SMURF1: variants seen among roughly 807,000 people sequenced by gnomAD.
SMURF1 encodes SMAD specific E3 ubiquitin protein ligase 1.
Under a neutral mutation model 98.0 loss-of-function variants are expected in SMURF1, and 44 were observed. That is an observed-to-expected ratio of 0.45 (90% CI 0.35 to 0.58). The LOEUF is 0.58. SMURF1 is among the 20% of genes least tolerant of loss of function. SMURF1 has a pLI of 0.00. For synonymous variants in SMURF1, 396 were observed against 374.9 expected (o/e 1.06, Z -0.65); for missense variants, 687 against 938.4 (o/e 0.73, Z 3.50).
At chr7:99,094,575 T>C (rs924294079) in intron 1 of SMURF1, among the ~76,000 whole-genome samples, 3 of 151,550 alleles carry the variant, frequency 2.0e-5, no homozygotes, top group African/African-American at 7.3e-5. Context: ...TGACATCTTA[T>C]AGCATGGAAG....
In SMURF1 at chr7:99,101,922, C is replaced by T. The variant is rs552728952; in HGVS notation, c.56-40085G>A. ...GCACTCCAGCCTGGGCGACAGAGCA[C>T]GACCACGTCTCAAAAAAAAAAAAAA... On this transcript the variant is annotated intron_variant, in intron 1 of 17. Transcript: ENST00000361368. Among the ~76,000 whole-genome samples, 10 of 146,842 alleles carry T rather than the reference C, an allele frequency of 6.8e-5. 1 individual carries two copies. In the South Asian group the frequency reaches 8.5e-4, roughly 12 times the overall value.
Position 99,113,347 on chromosome 7 carries a change from T to G in SMURF1, c.55+30379A>C, listed in dbSNP as rs946445873. Reference sequence around the variant, plus strand: ...ACATCTGACATCGCATCAGAAACCATAGAGCCAAAGGCAATGGAATTATAT... The same window carrying G: ...ACATCTGACATCGCATCAGAAACCAGAGAGCCAAAGGCAATGGAATTATAT... On this transcript the variant is annotated intron_variant, in intron 1 of 17. Coordinates refer to ENST00000361368, the MANE Select transcript of SMURF1 (RefSeq NM_181349.3). Among the ~76,000 whole-genome samples the G allele has an allele frequency of 5.3e-5, 8 of 152,112 alleles. 1 individual carries two copies. The highest frequency in any genetic ancestry group is 5.2e-4 in the Admixed American group (8 of 15,276).
intron 1 of SMURF1, among the ~76,000 whole-genome samples, chr7:99,143,040 G>A (rs1798166533): frequency 6.7e-6 from 1 of 149,534 alleles, no homozygotes; most frequent in Non-Finnish European, 1.5e-5. Context: ...GGACCAGGAA[G>A]AAGTGAGGGC....
At chr7:99,031,599 T>C (rs1794891830) in intron 17 of SMURF1, 1 of 152,246 alleles carries the variant, frequency 6.6e-6, no homozygotes, top group Non-Finnish European at 1.5e-5. Context: ...ACAAAAGCCT[T>C]GTGAGTAGGG....
chr7:99,104,599 T>G (rs1797156154), intron 1 of SMURF1, among the ~76,000 whole-genome samples: 1 of 152,368 alleles, frequency 6.6e-6, no homozygotes, highest in East Asian at 1.9e-4. Flanking sequence ...TACCTGCCAC[T>G]GTCACTTAAT....
At position 99,047,743 on chromosome 7, in the gene SMURF1, G is replaced by A. The variant is rs946328847; in HGVS notation, c.1093C>T (p.Leu365Phe). 1.2e-6 allele frequency: 2 copies of A among 1,614,108 alleles called. No homozygotes were observed. The highest frequency in any genetic ancestry group is 1.3e-5 in the African/African-American group (1 of 74,942). The change falls in exon 10 of 18, where the codon CTT (leucine) becomes TTT (phenylalanine). Residue 365 changes from leucine to phenylalanine, a missense_variant. Leu to Phe is a conservative substitution (Grantham distance 22). Around this residue, in one of 2 missense-constraint regions of SMURF1, gnomAD observed 415 missense variants for 508.4 expected, o/e 0.82. Coordinates refer to ENST00000361368, the MANE Select transcript of SMURF1 (RefSeq NM_181349.3). ...CAATGACCAGCTTGGGGCTGCTGAA[G>A]CGACAGTTCGTGTCTGAGGACTTTC... ...KLKVLRHELSLQQPQAGHCRI... is the reference protein window; with the variant it reads ...KLKVLRHELSFQQPQAGHCRI...
intron 8 of SMURF1, 74 bp downstream of exon 8, chr7:99,051,283 C>T (rs1795747552): frequency 8.6e-7 from 1 of 1,160,792 alleles, no homozygotes; most frequent in Non-Finnish European, 1.3e-6. Context: ...AAGAGCAACA[C>T]ATCTGGAAGG....
intron 1 of SMURF1, among the ~76,000 whole-genome samples, chr7:99,105,771 C>T (rs556489198): frequency 5.9e-5 from 9 of 152,298 alleles, no homozygotes; most frequent in South Asian, 2.1e-4. Flanking sequence ...GGGGCCTAAA[C>T]GGCCAGAGGA....
intron 1 of SMURF1, among the ~76,000 whole-genome samples, chr7:99,111,442 T>A (rs911868979): frequency 7.2e-5 from 11 of 152,248 alleles, no homozygotes; most frequent in Non-Finnish European, 1.2e-4. Context: ...AATTTCAATT[T>A]AAATTAATTT....
At chr7:99,071,804 C>T (rs888942182) in intron 1 of SMURF1, among the ~76,000 whole-genome samples, 5 of 152,170 alleles carry the variant, frequency 3.3e-5, no homozygotes, top group Non-Finnish European at 5.9e-5. Context: ...CCAGACTCAG[C>T]GGCTCATGCC....
intron 11 of SMURF1, among the ~76,000 whole-genome samples, chr7:99,044,697 A>G (rs1324581459): frequency 6.6e-6 from 1 of 152,268 alleles, no homozygotes; most frequent in Non-Finnish European, 1.5e-5. Context: ...AAAGTTACAA[A>G]TGATGGAAGA....
chr7:99,051,519 C>G (rs1297902784), intron 7 of SMURF1, 78 bp from the exon 8 acceptor site: 1 of 1,093,934 alleles, frequency 9.1e-7, no homozygotes, highest in East Asian at 2.4e-5. Context: ...GATGCCCTCA[C>G]GTCTGGTATT....
chr7:99,038,061 C>T (rs945893258), intron 14 of SMURF1, among the ~76,000 whole-genome samples: 5 of 152,152 alleles, frequency 3.3e-5, no homozygotes, highest in Non-Finnish European at 4.4e-5. Context: ...GTGGCTTCCT[C>T]GGACTGAGCA....
chr7:99,084,025 C>T (rs2150571264), intron 1 of SMURF1, among the ~76,000 whole-genome samples: 1 of 152,300 alleles, frequency 6.6e-6, no homozygotes, highest in Non-Finnish European at 1.5e-5. Flanking sequence ...CCTGTATTTC[C>T]TCCACAAACT....
intron 11 of SMURF1, 183 bp downstream of exon 11, chr7:99,045,515 G>A: frequency 1.8e-6 from 1 of 552,996 alleles, no homozygotes; most frequent in Non-Finnish European, 3.2e-6. Flanking sequence ...GCACGAGCAT[G>A]CTCGGAGGAA....
At chr7:99,113,729 C>CT (rs1335317210) in intron 1 of SMURF1, among the ~76,000 whole-genome samples, 1 of 148,698 alleles carries the variant, frequency 6.7e-6, no homozygotes, top group Non-Finnish European at 1.5e-5. Context: ...GTCCCAGCTA[C>CT]TTAGGAGGCT....
chr7:99,085,902 T>C (rs1326153343), intron 1 of SMURF1, among the ~76,000 whole-genome samples: 1 of 152,030 alleles, frequency 6.6e-6, no homozygotes, highest in African/African-American at 2.4e-5. Flanking sequence ...AAATCAGCAA[T>C]AAAAAGACAA....
At chr7:99,100,218 A>G (rs1209367425) in intron 1 of SMURF1, among the ~76,000 whole-genome samples, 1 of 152,188 alleles carries the variant, frequency 6.6e-6, no homozygotes, top group Non-Finnish European at 1.5e-5. Context: ...TACTCTACCT[A>G]GTAAGAAAGT....
intron 1 of SMURF1, among the ~76,000 whole-genome samples, chr7:99,126,641 C>T (rs966758355): frequency 7.9e-5 from 12 of 151,782 alleles, no homozygotes; most frequent in Admixed American, 1.3e-4. Context: ...GGCGACAGAG[C>T]GAGACGCCAT....
Sources: allele counts gnomAD v4.1 joint callset (sites outside exome capture counted in the v4.1 genomes callset), GRCh38; gene constraint gnomAD v4.1.1; regional missense constraint gnomAD v4.1.1; transcripts MANE v1.5; gene names NCBI Gene and HGNC (gene_info 2026-07-23, HGNC 2026-07-21).